The following TRMT1L variants were observed in gnomAD, a reference collection of about 807,000 sequenced individuals.
The protein encoded by TRMT1L is tRNA (guanine(27)-N(2))-dimethyltransferase.
A neutral mutation model predicts 81.6 loss-of-function variants in TRMT1L; 28 were observed. That is an observed-to-expected ratio of 0.34 (90% CI 0.25 to 0.47). TRMT1L has a LOEUF of 0.47. Among genes scored for constraint, TRMT1L ranks in the 20% least tolerant of loss-of-function variants. The probability of loss-of-function intolerance (pLI) is 1.00; values close to 1 mark genes in which losing one functional copy is unlikely to be tolerated. For synonymous variants in TRMT1L, 301 were observed against 303.2 expected (o/e 0.99, Z 0.07); for missense variants, 739 against 877.1 (o/e 0.84, Z 1.99).
intron 12 of TRMT1L, among the ~76,000 whole-genome samples, chr1:185,124,550 TGTG>T (rs997428844): frequency 2.5e-4 from 38 of 151,658 alleles, no homozygotes; most frequent in Admixed American, 6.6e-5. Flanking sequence ...ATTAGCCAGG[TGTG>T]GTGTGCATGC....
At chr1:185,132,302 G>C (rs548709315) in intron 10 of TRMT1L, among the ~76,000 whole-genome samples, 1 of 152,160 alleles carries the variant, frequency 6.6e-6, no homozygotes, top group East Asian at 1.9e-4. Context: ...CGGATCACTT[G>C]AGGTCAGGAG....
chr1:185,132,082 A>C (rs1355417458), intron 10 of TRMT1L, among the ~76,000 whole-genome samples: 1 of 152,198 alleles, frequency 6.6e-6, no homozygotes, highest in Non-Finnish European at 1.5e-5. Context: ...CAGAGGTTGC[A>C]GTGAGCCAAG....
At position 185,155,312 on chromosome 1, in the gene TRMT1L, GGGTGGAACCCTCTCAGCTCC is replaced by G. The variant is rs532372889; in HGVS notation, c.235+1146_235+1165del. ...AAGTGAGGTAGGAGGCTACTTAGGA[GGGTGGAACCCTCTCAGCTCC>G]CCATGCCTCCCCGATCCCTACCCAC... On this transcript the variant is annotated intron_variant, in intron 1 of 14. Transcript: ENST00000367506. Among the ~76,000 whole-genome samples the G allele has an allele frequency of 1.1e-4, 16 of 152,314 alleles. No individual in the cohort carries two copies. In the South Asian group the frequency reaches 1.7e-3, roughly 16 times the overall value.
At chr1:185,121,541 A>G (rs1369751885) in intron 13 of TRMT1L, among the ~76,000 whole-genome samples, 1 of 152,198 alleles carries the variant, frequency 6.6e-6, no homozygotes, top group East Asian at 1.9e-4. Flanking sequence ...CTCTTTACAT[A>G]AAAACATAAA....
At chr1:185,147,762 T>C (rs1022759859) in intron 3 of TRMT1L, among the ~76,000 whole-genome samples, 7 of 152,192 alleles carry the variant, frequency 4.6e-5, no homozygotes, top group African/African-American at 1.7e-4. Context: ...AAGTGATTTT[T>C]TTTCTCATTT....
chr1:185,123,842 T>C lies in TRMT1L; in HGVS notation c.1822+15A>G, dbSNP rs1652556119. 2.0e-6 allele frequency: 3 copies of C among 1,475,176 alleles called. No homozygotes were observed. The highest frequency in any genetic ancestry group is 2.4e-5 in the Admixed American group (1 of 40,870). The allele number at this position is 1,475,176 out of a possible 1,614,324, so 91.4% of individuals were successfully genotyped here. ...CCTGATATGTACATATGTACACACATATATGCATACATACCTTGTGCAATG... is the reference window on the plus strand; with the variant it reads ...CCTGATATGTACATATGTACACACACATATGCATACATACCTTGTGCAATG... On this transcript the variant is annotated intron_variant, in intron 13 of 14. Transcript: ENST00000367506.
At chr1:185,152,270 G>A (rs572831161) in intron 1 of TRMT1L, among the ~76,000 whole-genome samples, 1 of 152,336 alleles carries the variant, frequency 6.6e-6, no homozygotes, top group South Asian at 2.1e-4. Context: ...AAGGCAATAT[G>A]TCAACTTCTA....
chr1:185,127,126 T>C (rs1202968155), intron 11 of TRMT1L, among the ~76,000 whole-genome samples: 2 of 152,226 alleles, frequency 1.3e-5, no homozygotes, highest in Admixed American at 1.3e-4. Flanking sequence ...AGTTTCCTCA[T>C]GTGTAAAATA....
At chr1:185,152,219 T>G (rs1417296557) in intron 1 of TRMT1L, among the ~76,000 whole-genome samples, 2 of 152,236 alleles carry the variant, frequency 1.3e-5, no homozygotes, top group Non-Finnish European at 2.9e-5. Context: ...AAACGTTAAG[T>G]CATGTTTTCT....
Position 185,156,521 on chromosome 1 carries a change from G to A in TRMT1L, c.192C>T (p.Ala64=). The A allele has an allele frequency of 6.2e-7, 1 of 1,613,452 alleles. No homozygotes were observed. Among genetic ancestry groups the A allele is most frequent in the Non-Finnish European group, 8.5e-7 (1 of 1,179,722 alleles). The part of the protein sequence containing the change: ...APAPALAQAP[A]LSPSLASAPE... ...GGGCAGAGGCTAGGGACGGGGACAG[G>A]GCCGGAGCCTGGGCCAGGGCAGGGG... Residue 64 remains alanine (A), a synonymous_variant, in exon 1 of 15, where the codon GCC becomes GCT. Coordinates refer to ENST00000367506, the MANE Select transcript of TRMT1L (RefSeq NM_030934.5).
intron 7 of TRMT1L, 68 bp from the exon 8 acceptor site, chr1:185,140,290 C>A: frequency 8.1e-7 from 1 of 1,235,476 alleles, no homozygotes; most frequent in South Asian, 1.6e-5. Context: ...AATGGTATAA[C>A]AACATTCAGT....
chr1:185,125,157 T>TAAAGAGAAA, intron 11 of TRMT1L, 47 bp from the exon 12 acceptor site: 1 of 1,439,366 alleles, frequency 6.9e-7, no homozygotes, highest in Admixed American at 2.3e-5. Flanking sequence ...AAAATGTTTC[T>TAAAGAGAAA]CTTTAAAAAG....
intron 2 of TRMT1L, among the ~76,000 whole-genome samples, chr1:185,150,786 A>C (rs12093884): frequency 0.013 from 1,927 of 152,302 alleles, 41 homozygotes; most frequent in African/African-American, 0.044. Context: ...CTTCCGGCCA[A>C]ATTTTCTGCC....
chr1:185,135,509 T>C (rs1182529146), intron 10 of TRMT1L, among the ~76,000 whole-genome samples: 2 of 150,188 alleles, frequency 1.3e-5, no homozygotes, highest in African/African-American at 4.9e-5. Context: ...AAAGGATAAA[T>C]AAATGAAAGT....
At chr1:185,147,362 T>A (rs1653216638) in intron 3 of TRMT1L, 116 bp from the exon 4 acceptor site, 1 of 727,076 alleles carries the variant, frequency 1.4e-6, no homozygotes, top group African/African-American at 1.8e-5. Context: ...TGTAATGTCA[T>A]AATTACTCAA....
intron 2 of TRMT1L, among the ~76,000 whole-genome samples, chr1:185,150,717 T>C (rs3753569): frequency 0.5 from 76,313 of 152,058 alleles, 20,412 homozygotes; most frequent in African/African-American, 0.7. Context: ...CTGTAGCTAG[T>C]GGATGCATTT....
chr1:185,124,032 C>A (rs1652562008), intron 12 of TRMT1L, 113 bp from the exon 13 acceptor site: 2 of 597,352 alleles, frequency 3.3e-6, no homozygotes, highest in African/African-American at 1.9e-5. Flanking sequence ...CACGAATATG[C>A]AAGAGATTCT....
Position 185,125,058 on chromosome 1 carries a change from G to A in TRMT1L, c.1645C>T (p.Leu549Phe). 6.2e-7 allele frequency: 1 copy of A among 1,612,876 alleles called. No homozygotes were observed. Among genetic ancestry groups the A allele is most frequent in the South Asian group, 1.1e-5 (1 of 90,920 alleles). Reference protein sequence around the residue: ...GFLKRMLFESLHHGLDDIQTL... With the variant: ...GFLKRMLFESFHHGLDDIQTL... Reference sequence around the variant, plus strand: ...TGAATGTCATCCAAACCATGGTGAAGAGATTCAAATAGCATTCTTTTGAGG... The same window carrying A: ...TGAATGTCATCCAAACCATGGTGAAAAGATTCAAATAGCATTCTTTTGAGG... The change falls in exon 12 of 15, where the codon CTT becomes TTT. Residue 549 changes from leucine to phenylalanine, a missense_variant. Transcript: ENST00000367506.
intron 1 of TRMT1L, among the ~76,000 whole-genome samples, chr1:185,152,673 A>G (rs1653394510): frequency 6.6e-6 from 1 of 152,224 alleles, no homozygotes; most frequent in South Asian, 2.1e-4. Flanking sequence ...TAAAAAAATA[A>G]GCAACAGAAC....
Sources: allele counts gnomAD v4.1 joint callset (sites outside exome capture counted in the v4.1 genomes callset), GRCh38; gene constraint gnomAD v4.1.1; transcripts MANE v1.5; gene names NCBI Gene and HGNC (gene_info 2026-07-23, HGNC 2026-07-21).